UBAP2L: variants seen among roughly 807,000 people sequenced by gnomAD.
The protein encoded by UBAP2L is ubiquitin associated protein 2 like.
Under a neutral mutation model 130.6 loss-of-function variants are expected in UBAP2L, and 12 were observed. The ratio of observed to expected loss-of-function variants is 0.09; its 90% confidence interval spans 0.06 to 0.15. The LOEUF is 0.15. Among genes scored for constraint, UBAP2L ranks in the 10% least tolerant of loss-of-function variants. The pLI is 1.00. For synonymous variants in UBAP2L, 503 were observed against 524.7 expected, an observed-to-expected ratio of 0.96 and a Z score of 0.57; for missense variants, 965 against 1,332.5, an observed-to-expected ratio of 0.72 and a Z score of 4.29.
intron 2 of UBAP2L, among the ~76,000 whole-genome samples, chr1:154,226,932 C>A (rs985451797): frequency 4.6e-5 from 7 of 152,216 alleles, no homozygotes; most frequent in African/African-American, 1.7e-4. Context: ...AAGCAATTCT[C>A]CTGCCTCAGC....
chr1:154,246,615 C>T (rs992626456), intron 11 of UBAP2L, among the ~76,000 whole-genome samples: 32 of 152,336 alleles, frequency 2.1e-4, no homozygotes, highest in African/African-American at 7.7e-4. Context: ...ATTGACTACT[C>T]ATTGTGCTGA....
intron 6 of UBAP2L, 125 bp from the exon 7 acceptor site, chr1:154,236,441 C>T (rs954755254): frequency 2.6e-5 from 25 of 961,026 alleles, no homozygotes; most frequent in Admixed American, 1.2e-4. Context: ...GCAACCAATC[C>T]GCCCGCCCTC....
chr1:154,230,246 A>G (rs112343207), intron 4 of UBAP2L, among the ~76,000 whole-genome samples: 7 of 152,252 alleles, frequency 4.6e-5, no homozygotes, highest in African/African-American at 1.4e-4. Flanking sequence ...AGCTCAGGCA[A>G]TCCTCCTGCC....
intron 20 of UBAP2L, among the ~76,000 whole-genome samples, chr1:154,258,137 G>A (rs1389486842): frequency 6.6e-6 from 1 of 152,062 alleles, no homozygotes; most frequent in East Asian, 1.9e-4. Context: ...GCCTGGCTAA[G>A]TTTTAAAAAT....
intron 6 of UBAP2L, 86 bp from the exon 7 acceptor site, chr1:154,236,480 G>A (rs1671724273): frequency 1.3e-5 from 18 of 1,431,560 alleles, no homozygotes; most frequent in Non-Finnish European, 1.7e-5. Context: ...GATTACCACC[G>A]GGAGCCACTG....
Position 154,260,033 on chromosome 1 carries a change from G to A in UBAP2L, c.2578+4G>A. ...CTGGCCAGCAACCCTTATTCTGGTA[G>A]GATTGGGATGGGACTAAATAAATAA... On this transcript the variant is annotated splice_donor_region_variant and intron_variant, in intron 22 of 26. Coordinates refer to ENST00000428931, the MANE Select transcript of UBAP2L (RefSeq NM_014847.4). 4 of 1,613,884 alleles carry A rather than the reference G, an allele frequency of 2.5e-6. No homozygotes were observed. Among genetic ancestry groups the A allele is most frequent in the Non-Finnish European group, 3.4e-6 (4 of 1,179,744 alleles).
At chr1:154,235,367 T>C (rs1463162508) in intron 6 of UBAP2L, 76 bp downstream of exon 6, 1 of 653,728 alleles carries the variant, frequency 1.5e-6, no homozygotes, top group Non-Finnish European at 2.8e-6. Context: ...TATTTTTTTT[T>C]TTTATTGGAG....
intron 25 of UBAP2L, 50 bp downstream of exon 25, chr1:154,266,618 G>A (rs1306713617): frequency 1.3e-6 from 2 of 1,578,702 alleles, no homozygotes; most frequent in Non-Finnish European, 1.7e-6. Context: ...ACATAGAGGA[G>A]GTGGAGTTGC....
Position 154,251,594 on chromosome 1 carries a change from C to A in UBAP2L, c.1605C>A (p.Thr535=). ...SEPVLSDYES[T]PTTSASSSQA... is the part of the protein sequence containing the mutation. ...CTGTCCTTTCTGATTATGAGTCCAC[C>A]CCCACCACGAGCGCCTCTTCAAGCC... The change falls in exon 14 of 27, where the codon ACC becomes ACA. Residue 535 remains threonine, a synonymous_variant. Coordinates refer to ENST00000428931, the MANE Select transcript of UBAP2L (RefSeq NM_014847.4). 1 of 1,614,032 alleles carries A rather than the reference C, an allele frequency of 6.2e-7. No homozygotes were observed. The highest frequency in any genetic ancestry group is 2.2e-5 in the East Asian group (1 of 44,870).
rs1429525428 is a variant in UBAP2L, at chr1:154,259,038, T to C, written c.2496+8T>C. The C allele has an allele frequency of 1.2e-6, 2 of 1,613,074 alleles. No homozygotes were observed. Among genetic ancestry groups the C allele is most frequent in the East Asian group, 4.5e-5 (2 of 44,872 alleles). Reference sequence around the variant, plus strand: ...CAGACAAGATTTCCATTGGTGAGTATGTGGGATAGAGCTTTGGAAAAGAAA... The same window carrying C: ...CAGACAAGATTTCCATTGGTGAGTACGTGGGATAGAGCTTTGGAAAAGAAA... On this transcript the variant is annotated splice_region_variant and intron_variant, in intron 21 of 26. Coordinates refer to ENST00000428931, the MANE Select transcript of UBAP2L (RefSeq NM_014847.4).
At chr1:154,257,827 CAT>C (rs915068567) in intron 20 of UBAP2L, 4 of 226,606 alleles carry the variant, frequency 1.8e-5, no homozygotes, top group African/African-American at 6.9e-5. Context: ...CACATGTATG[CAT>C]GTGTGTGTGT....
chr1:154,222,305 T>A (rs1182886694), intron 1 of UBAP2L, among the ~76,000 whole-genome samples: 1 of 152,228 alleles, frequency 6.6e-6, no homozygotes, highest in South Asian at 2.1e-4. Flanking sequence ...TTGATAAAAC[T>A]GCTTTGAGAT....
At chr1:154,232,240 C>T (rs1670066824) in intron 4 of UBAP2L, among the ~76,000 whole-genome samples, 1 of 151,928 alleles carries the variant, frequency 6.6e-6, no homozygotes, top group African/African-American at 2.4e-5. Flanking sequence ...AGGAGAATCA[C>T]TTCAACCTGG....
rs781768623 is a variant in UBAP2L at position 154,261,737 on chromosome 1, G to A, written c.2902+40G>A. On this transcript the variant is annotated intron_variant, in intron 24 of 26. Coordinates refer to ENST00000428931, the MANE Select transcript of UBAP2L (RefSeq NM_014847.4). ...TCTCTGGCTCGGTGTTATCTGTGGG[G>A]TGTTATTGGATAAATTTCAGGGAGG... is the stretch of plus-strand genomic sequence containing the variant. The A allele has an allele frequency of 7.5e-6, 12 of 1,593,142 alleles. No homozygotes were observed. In the Admixed American group the frequency reaches 2.0e-4, roughly 27 times the overall value.
At chr1:154,258,903 G>A (rs1680561105) in intron 20 of UBAP2L, 74 bp from the exon 21 acceptor site, 2 of 1,234,434 alleles carry the variant, frequency 1.6e-6, no homozygotes, top group Non-Finnish European at 2.4e-6. Flanking sequence ...TGTTGAATTA[G>A]CTTGTCTCTT....
At chr1:154,222,183 C>A (rs1252958316) in intron 1 of UBAP2L, among the ~76,000 whole-genome samples, 1 of 152,142 alleles carries the variant, frequency 6.6e-6, no homozygotes, top group African/African-American at 2.4e-5. Context: ...ATCCTACCTT[C>A]CTCCGCCGCA....
chr1:154,221,594 C>T (rs1470370143), intron 1 of UBAP2L, among the ~76,000 whole-genome samples: 1 of 152,184 alleles, frequency 6.6e-6, no homozygotes, highest in East Asian at 1.9e-4. Context: ...TTTGTTCCGG[C>T]TGGGAGGTAG....
intron 4 of UBAP2L, among the ~76,000 whole-genome samples, chr1:154,230,563 A>AT (rs1669509698): frequency 6.6e-6 from 1 of 152,096 alleles, no homozygotes. Context: ...TTGTCTCCAG[A>AT]TTTTATGGGG....
rs766633707 is a variant in UBAP2L at position 154,268,810 on chromosome 1, C to T, written c.3024C>T (p.Asn1008=). The change falls in exon 26 of 27, where the codon AAC becomes AAT. Residue 1008 remains asparagine, a synonymous_variant. Coordinates refer to ENST00000428931, the MANE Select transcript of UBAP2L (RefSeq NM_014847.4). ...FHSGTPAASF[N]LPSALGSGGP... is the part of the protein sequence containing the mutation. ...CCGGTACTCCTGCTGCTTCCTTCAA[C>T]TTGCCTTCAGCCCTAGGAAGTGGGG... The T allele has an allele frequency of 5.6e-5, 91 of 1,614,042 alleles. 1 individual carries two copies. Among genetic ancestry groups the T allele is most frequent in the Non-Finnish European group, 1.3e-5 (15 of 1,180,034 alleles).
Sources: gnomAD v4.1 joint callset for allele counts (sites outside exome capture counted in the v4.1 genomes callset) on GRCh38, gnomAD v4.1.1 for gene constraint, MANE v1.5 for transcripts, NCBI Gene and HGNC (gene_info 2026-07-23, HGNC 2026-07-21) for gene names.